The following LDB2 variants were observed in gnomAD, a reference collection of about 807,000 sequenced individuals.
LDB2 encodes the protein LIM domain-binding protein 2.
LDB2 carries 12 observed loss-of-function variants against 44.3 expected under a neutral mutation model. That is an observed-to-expected ratio of 0.27 (90% CI 0.17 to 0.44). LDB2 has a LOEUF of 0.44. LDB2 is among the 20% of genes least tolerant of loss of function. LDB2 has a pLI of 1.00. For missense variants in LDB2, 344 were observed against 473.5 expected, an observed-to-expected ratio of 0.73 and a Z score of 2.54; for synonymous variants, 164 against 174.8, an observed-to-expected ratio of 0.94 and a Z score of 0.49.
chr4:16,821,351 C>T (rs892034264), intron 1 of LDB2, among the ~76,000 whole-genome samples: 2 of 151,556 alleles, frequency 1.3e-5, no homozygotes, highest in Admixed American at 6.6e-5. Context: ...TCTTAAACCA[C>T]TAGCCGTCTA....
At chr4:16,603,451 T>C (rs1723107935) in intron 2 of LDB2, among the ~76,000 whole-genome samples, 2 of 152,146 alleles carry the variant, frequency 1.3e-5, no homozygotes, top group African/African-American at 2.4e-5. Context: ...TATATTCCCG[T>C]GATCTAGGCT....
intron 1 of LDB2, among the ~76,000 whole-genome samples, chr4:16,761,464 C>A (rs1465333015): frequency 3.9e-5 from 6 of 152,168 alleles, no homozygotes. Flanking sequence ...CAGGAGACTG[C>A]CTGGCGTTTC....
intron 2 of LDB2, chr4:16,674,403 A>G (rs1745711010): frequency 3.9e-6 from 2 of 516,698 alleles, no homozygotes; most frequent in South Asian, 3.1e-5. Context: ...CAGGGACCCC[A>G]GCTCTCTCAG....
At chr4:16,662,659 G>A (rs1228591135) in intron 2 of LDB2, among the ~76,000 whole-genome samples, 1 of 151,812 alleles carries the variant, frequency 6.6e-6, no homozygotes, top group Non-Finnish European at 1.5e-5. Context: ...GGTGTGTGCT[G>A]TTCTCATGAT....
At chr4:16,739,658 A>G (rs1339842405) in intron 2 of LDB2, among the ~76,000 whole-genome samples, 6 of 86,814 alleles carry the variant, frequency 6.9e-5, no homozygotes, top group African/African-American at 2.7e-4. Context: ...ATGTGTGTAT[A>G]TATGTATATA....
At chr4:16,876,521 A>G (rs2110390253) in intron 1 of LDB2, among the ~76,000 whole-genome samples, 1 of 152,400 alleles carries the variant, frequency 6.6e-6, no homozygotes, top group Non-Finnish European at 1.5e-5. Flanking sequence ...ATCCTAATGT[A>G]CATTTCATTT....
chr4:16,855,302 T>C (rs976493786), intron 1 of LDB2, among the ~76,000 whole-genome samples: 11 of 152,156 alleles, frequency 7.2e-5, no homozygotes, highest in African/African-American at 2.4e-4. Context: ...GAAGCAATCA[T>C]ATTTGTCACC....
intron 1 of LDB2, among the ~76,000 whole-genome samples, chr4:16,804,378 G>A (rs1778398016): frequency 6.6e-6 from 1 of 152,028 alleles, no homozygotes; most frequent in Admixed American, 6.6e-5. Context: ...TCTGCCTAGG[G>A]GTAAATGAGA....
intron 1 of LDB2, among the ~76,000 whole-genome samples, chr4:16,880,678 G>T (rs767229082): frequency 6.6e-6 from 1 of 151,944 alleles, no homozygotes; most frequent in South Asian, 2.1e-4. Context: ...TAAGCCAGGC[G>T]TCGGATCACG....
At chr4:16,686,357 T>C (rs1312965773) in intron 2 of LDB2, among the ~76,000 whole-genome samples, 2 of 152,210 alleles carry the variant, frequency 1.3e-5, no homozygotes, top group Non-Finnish European at 2.9e-5. Context: ...ATAATCATGA[T>C]CCAAAGTGGG....
rs118152336 is a variant in LDB2, at chr4:16,685,669, T to A, written c.235+73489A>T. Among the ~76,000 whole-genome samples, 375 of 152,280 alleles carry A rather than the reference T, an allele frequency of 2.5e-3. 8 individuals are homozygous for A. The East Asian group carries it at 0.06, about 24-fold the overall frequency. On this transcript the variant is annotated intron_variant, in intron 2 of 7. Transcript: ENST00000304523. ...TGATTTCATGACTAGTTTAAAGGAA[T>A]CTTCTTCACTATTATCCTAACATCA...
At position 16,797,218 on chromosome 4, in the gene LDB2, G is replaced by A. The variant is rs183188878; in HGVS notation, c.133-37958C>T. ...TGAGGGCTTTTCATCTCACACATGC[G>A]TATTTTTGATCCGCCTTTGGCTGAA... On this transcript the variant is annotated intron_variant, in intron 1 of 7. Coordinates refer to ENST00000304523, the MANE Select transcript of LDB2 (RefSeq NM_001290.5). Among the ~76,000 whole-genome samples, 51 of 152,202 alleles carry A rather than the reference G, an allele frequency of 3.4e-4. No homozygotes were observed. The East Asian group carries it at 4.1e-3, about 12-fold the overall frequency.
chr4:16,763,392 T>C (rs1314674570), intron 1 of LDB2, among the ~76,000 whole-genome samples: 1 of 149,108 alleles, frequency 6.7e-6, no homozygotes, highest in Non-Finnish European at 1.5e-5. Flanking sequence ...AATGACATTC[T>C]GTGTATTTAA....
intron 2 of LDB2, among the ~76,000 whole-genome samples, chr4:16,755,760 G>A (rs1766508464): frequency 6.6e-6 from 1 of 152,104 alleles, no homozygotes; most frequent in African/African-American, 2.4e-5. Flanking sequence ...TTACCCAAAG[G>A]ATAGAACTTC....
chr4:16,536,158 A>C (rs758293323), intron 5 of LDB2, among the ~76,000 whole-genome samples: 1 of 152,170 alleles, frequency 6.6e-6, no homozygotes, highest in Admixed American at 6.5e-5. Flanking sequence ...TTTGTTTTCT[A>C]TACTGGACCA....
chr4:16,524,703 T>A (rs1248793382), intron 5 of LDB2, among the ~76,000 whole-genome samples: 2 of 152,328 alleles, frequency 1.3e-5, no homozygotes, highest in South Asian at 2.1e-4. Flanking sequence ...TACATTAAAC[T>A]GAAATGTGTC....
chr4:16,656,518 A>G (rs1359402552), intron 2 of LDB2, among the ~76,000 whole-genome samples: 1 of 152,262 alleles, frequency 6.6e-6, no homozygotes, highest in Non-Finnish European at 1.5e-5. Flanking sequence ...TTAAAATTTT[A>G]GTTCATTTTA....
chr4:16,865,449 G>A (rs956678672), intron 1 of LDB2, among the ~76,000 whole-genome samples: 20 of 152,096 alleles, frequency 1.3e-4, no homozygotes, highest in African/African-American at 4.6e-4. Flanking sequence ...CTCGGGCTGC[G>A]CTGGCAGCAG....
chr4:16,565,865 GA>G (rs1487738160), intron 5 of LDB2, among the ~76,000 whole-genome samples: 1 of 151,870 alleles, frequency 6.6e-6, no homozygotes, highest in Non-Finnish European at 1.5e-5. Context: ...CAAAATGGAA[GA>G]AAAGGCCCAA....
Sources: gnomAD v4.1 joint callset for allele counts (sites outside exome capture counted in the v4.1 genomes callset) on GRCh38, gnomAD v4.1.1 for gene constraint, MANE v1.5 for transcripts, NCBI Gene and HGNC (gene_info 2026-07-23, HGNC 2026-07-21) for gene names.